Variants in CFLAR observed in about 807,000 individuals in gnomAD.
CFLAR encodes CASP8 and FADD-like apoptosis regulator.
In CFLAR, 14 loss-of-function variants were observed where a neutral mutation model predicts 51.1. The ratio of observed to expected loss-of-function variants is 0.27; its 90% confidence interval spans 0.18 to 0.43. The LOEUF (loss-of-function observed/expected upper bound fraction) is 0.43, where lower values mean the gene tolerates loss of function less well. CFLAR is among the 20% of genes least tolerant of loss of function. The pLI is 1.00. For missense variants in CFLAR, 390 were observed against 566.5 expected, an observed-to-expected ratio of 0.69 and a Z score of 3.16; for synonymous variants, 210 against 211.6, an observed-to-expected ratio of 0.99 and a Z score of 0.06.
chr2:201,132,957 G>A (rs2049528511), intron 2 of CFLAR, 72 bp from the exon 3 acceptor site: 3 of 1,533,516 alleles, frequency 2.0e-6, no homozygotes, highest in Middle Eastern at 1.7e-4. Context: ...GTTGCATAGG[G>A]GAGGCGTGGG....
chr2:201,118,449 A>G lies in CFLAR; in HGVS notation c.-138+1968A>G, dbSNP rs1205711950. 6.6e-6 allele frequency: 1 copy of G among 152,120 alleles called. No individual in the cohort carries two copies. The highest frequency in any genetic ancestry group is 1.5e-5 in the Non-Finnish European group (1 of 68,066). 9.4% of individuals were successfully genotyped at this position (152,120 alleles called of 1,614,324 possible). A position where few individuals can be genotyped will look rare whatever the true frequency, so the allele number is the denominator to read the frequency against. ...AGGCCCCTGGGGCATTGGAGGTCCT[A>G]CCGCAGCTCCTAGTAGGTGGTGGGG... On this transcript the variant is annotated intron_variant, in intron 1 of 9. Coordinates refer to ENST00000309955, the MANE Select transcript of CFLAR (RefSeq NM_003879.7). This position sits in a 1 kb window ranked among gnomAD's most constrained non-coding sequence, Gnocchi z 5.1.
Position 201,124,965 on chromosome 2 carries a change from G to A in CFLAR, c.-137-4764G>A, listed in dbSNP as rs1158429249. ...ATGTGGCAACCAGGAGGTCACCAGG[G>A]CCTCAACAAGAGCTGTGTCATCAGG... On this transcript the variant is annotated intron_variant, in intron 1 of 9. Transcript: ENST00000309955. The surrounding 1 kb of genome is among the most constrained non-coding windows in gnomAD (Gnocchi z 4.7). 1.3e-5 allele frequency among the ~76,000 whole-genome samples: 2 copies of A among 152,148 alleles called. No homozygotes were observed. Among genetic ancestry groups the A allele is most frequent in the Non-Finnish European group, 2.9e-5 (2 of 68,012 alleles).
intron 1 of CFLAR, among the ~76,000 whole-genome samples, chr2:201,127,620 C>G (rs938784888): frequency 3.9e-5 from 6 of 152,202 alleles, no homozygotes; most frequent in African/African-American, 7.2e-5. Context: ...CTAGTATGCT[C>G]TCCTTTCTCA....
At chr2:201,149,716 T>C (rs1442916872) in intron 7 of CFLAR, 38 bp from the exon 8 acceptor site, 1 of 1,499,170 alleles carries the variant, frequency 6.7e-7, no homozygotes, top group Non-Finnish European at 9.3e-7. Context: ...AACAGAGCAA[T>C]ATCCAGAGTC....
intron 3 of CFLAR, 43 bp from the exon 4 acceptor site, chr2:201,135,929 G>C (rs764449760): frequency 1.3e-6 from 2 of 1,589,076 alleles, no homozygotes; most frequent in Non-Finnish European, 8.5e-7. Flanking sequence ...ACCTGGCCTA[G>C]CTAGCTCTAT....
chr2:201,156,727 C>A (rs1277074351), intron 8 of CFLAR, among the ~76,000 whole-genome samples: 1 of 151,854 alleles, frequency 6.6e-6, no homozygotes, highest in Non-Finnish European at 1.5e-5. Flanking sequence ...CCCTCCCCAC[C>A]CCCCCACATC....
At chr2:201,125,132 A>G (rs1288181131) in intron 1 of CFLAR, among the ~76,000 whole-genome samples, 1 of 152,216 alleles carries the variant, frequency 6.6e-6, no homozygotes, top group Non-Finnish European at 1.5e-5. Context: ...ATCTATGATG[A>G]ACAAAATACC....
At chr2:201,141,545 C>G (rs905036379) in intron 5 of CFLAR, 6 of 1,315,458 alleles carry the variant, frequency 4.6e-6, no homozygotes, top group Non-Finnish European at 5.8e-6. Flanking sequence ...TAGATGCTTT[C>G]CAATCTTTTG....
At chr2:201,128,776 A>G (rs879024874) in intron 1 of CFLAR, among the ~76,000 whole-genome samples, 1 of 152,240 alleles carries the variant, frequency 6.6e-6, no homozygotes, top group Admixed American at 6.5e-5. Flanking sequence ...AAAGAACACA[A>G]GAGGTGATTT....
In CFLAR at chr2:201,170,248, A is replaced by C. The variant is rs948572428; in HGVS notation, c.*6275A>C. On this transcript the variant is annotated 3_prime_UTR_variant, in exon 10 of 10. Coordinates refer to ENST00000309955, the MANE Select transcript of CFLAR (RefSeq NM_003879.7). ...GATAAAGAAAATGTGGTACATATAC[A>C]CCATGGAATACTGTGCAGTGCAGCC... is the stretch of plus-strand genomic sequence containing the variant. The C allele has an allele frequency of 1.3e-5, 2 of 152,244 alleles. No homozygotes were observed. Among genetic ancestry groups the C allele is most frequent in the African/African-American group, 2.4e-5 (1 of 41,464 alleles). 9.4% of individuals were successfully genotyped at this position (152,244 alleles called of 1,614,324 possible).
Position 201,166,974 on chromosome 2 carries a change from G to GAA in CFLAR, c.*3001_*3002insAA, listed in dbSNP as rs1302800138. 4 of 96,558 alleles carry GAA rather than the reference G, an allele frequency of 4.1e-5. No individual in the cohort carries two copies. The highest frequency in any genetic ancestry group is 4.7e-4 in the East Asian group (2 of 4,216). 6.0% of individuals were successfully genotyped at this position (96,558 alleles called of 1,614,324 possible). On this transcript the variant is annotated 3_prime_UTR_variant, in exon 10 of 10. Transcript: ENST00000309955. ...CGTGGGGAGAGGGAGAAGAGAGGGA[G>GAA]GGGGAGAGGGCTATTTTTAAAATTT...
At position 201,172,955 on chromosome 2, in the gene CFLAR, C is replaced by T. The variant is rs1390441500; in HGVS notation, c.*8982C>T. 6.6e-6 allele frequency: 1 copy of T among 152,198 alleles called. No homozygotes were observed. Among genetic ancestry groups the T allele is most frequent in the Non-Finnish European group, 1.5e-5 (1 of 68,036 alleles). The allele number at this position is 152,198 out of a possible 1,614,324, so 9.4% of individuals were successfully genotyped here. A position where few individuals can be genotyped will look rare whatever the true frequency, so the allele number is the denominator to read the frequency against. On this transcript the variant is annotated 3_prime_UTR_variant, in exon 10 of 10. Coordinates refer to ENST00000309955, the MANE Select transcript of CFLAR (RefSeq NM_003879.7). ...CATCATATAGTAACTCTATGTTTAG[C>T]CTTTTGAGGAACTGCCAAACTGCTT...
intron 7 of CFLAR, chr2:201,149,352 CT>C: frequency 3.3e-6 from 1 of 306,440 alleles, no homozygotes; most frequent in Non-Finnish European, 6.1e-6. Flanking sequence ...CTTGTTCTGG[CT>C]TTTTCTTAGG....
At chr2:201,132,353 C>T (rs1025745711) in intron 2 of CFLAR, among the ~76,000 whole-genome samples, 24 of 151,668 alleles carry the variant, frequency 1.6e-4, no homozygotes, top group African/African-American at 5.8e-4. Flanking sequence ...GGTAACAATA[C>T]TAACCACAGG....
intron 1 of CFLAR, among the ~76,000 whole-genome samples, chr2:201,121,069 C>T (rs762112895): frequency 3.9e-5 from 6 of 152,114 alleles, no homozygotes; most frequent in Admixed American, 1.3e-4. Flanking sequence ...ATAGAAGCAG[C>T]GCAAAAGTTT....
rs1943329318 is a variant in CFLAR at position 201,164,220 on chromosome 2, G to C, written c.*247G>C. On this transcript the variant is annotated 3_prime_UTR_variant, in exon 10 of 10. Coordinates refer to ENST00000309955, the MANE Select transcript of CFLAR (RefSeq NM_003879.7). ...TTCAGGGTCATAGCATGCTGTGATT[G>C]TGCCTACGAATAGCCACTGCATACC... The C allele has an allele frequency of 3.4e-6, 1 of 293,054 alleles. No individual in the cohort carries two copies. The highest frequency in any genetic ancestry group is 6.3e-5 in the South Asian group (1 of 15,788). The allele number at this position is 293,054 out of a possible 1,614,324, so 18.2% of individuals were successfully genotyped here.
At chr2:201,144,940 CCT>C (rs1939798172) in intron 5 of CFLAR, among the ~76,000 whole-genome samples, 1 of 152,138 alleles carries the variant, frequency 6.6e-6, no homozygotes. Context: ...GCAACCTCTG[CCT>C]CTCAGGTTCA....
Position 201,138,565 on chromosome 2 carries a change from AGTCGAT to A in CFLAR, c.524-1788_524-1783del, listed in dbSNP as rs1429187568. On this transcript the variant is annotated intron_variant, in intron 4 of 9. Transcript: ENST00000309955. The surrounding 1 kb of genome is among the most constrained non-coding windows in gnomAD (Gnocchi z 4.0). ...GTGGTGTGGTCCTTCTCAGCAAGAA[AGTCGAT>A]GTCTCGGGAGGTGACGATGCCCACC... The A allele has an allele frequency of 1.3e-6, 2 of 1,596,086 alleles. No homozygotes were observed. The highest frequency in any genetic ancestry group is 2.7e-5 in the African/African-American group (2 of 74,734).
intron 4 of CFLAR, 54 bp from the exon 5 acceptor site, chr2:201,140,297 AAGATTT>A: frequency 1.3e-6 from 2 of 1,580,798 alleles, no homozygotes; most frequent in Non-Finnish European, 1.7e-6. Context: ...ACCACTATTG[AAGATTT>A]ATTTGATAAT....
Sources: allele counts gnomAD v4.1 joint callset (sites outside exome capture counted in the v4.1 genomes callset), GRCh38; gene constraint gnomAD v4.1.1; non-coding constraint Gnocchi (gnomAD v3.1); transcripts MANE v1.5; gene names NCBI Gene and HGNC (gene_info 2026-07-23, HGNC 2026-07-21).